The following ABCA12 variants were observed in gnomAD, a reference collection of about 807,000 sequenced individuals.
ABCA12 encodes the protein glucosylceramide transporter ABCA12.
Under a neutral mutation model 293.5 loss-of-function variants are expected in ABCA12, and 156 were observed. The ratio of observed to expected loss-of-function variants is 0.53; its 90% CI spans 0.47 to 0.61. The LOEUF is 0.61. Among genes scored for constraint, ABCA12 ranks in the 20% least tolerant of loss-of-function variants. The probability of loss-of-function intolerance (pLI) is 0.00; values close to 1 mark genes in which losing one functional copy is unlikely to be tolerated. For missense variants in ABCA12, 2,797 were observed against 3,090.2 expected (o/e 0.91, Z 2.25); for synonymous variants, 1,063 against 1,108.0 (o/e 0.96, Z 0.81).
chr2:215,072,743 G>T (rs1701761097), intron 2 of ABCA12, among the ~76,000 whole-genome samples: 1 of 152,174 alleles, frequency 6.6e-6, no homozygotes, highest in South Asian at 2.1e-4. Flanking sequence ...CTGAATCTGG[G>T]GGAAGTTTAA....
chr2:215,029,429 A>G (rs2106027419), intron 9 of ABCA12: 1 of 152,182 alleles, frequency 6.6e-6, no homozygotes, highest in Middle Eastern at 3.4e-3. Context: ...ACTTCCCAAT[A>G]TTGCCCTTCC....
At chr2:214,978,563 C>G in intron 32 of ABCA12, 97 bp from the exon 33 acceptor site, 1 of 1,456,362 alleles carries the variant, frequency 6.9e-7, no homozygotes. Flanking sequence ...ATCACATTTA[C>G]TGAGACAAAT....
At chr2:215,009,465 T>TA (rs35436276) in intron 18 of ABCA12, among the ~76,000 whole-genome samples, 36,912 of 151,834 alleles carry the variant, frequency 0.24, 8,269 homozygotes, top group African/African-American at 0.59. Context: ...AAATAAAAGT[T>TA]AAAAAAAATC....
chr2:214,968,700 G>C lies in ABCA12; in HGVS notation c.5778+20C>G, dbSNP rs1559120552. ...ACCTTCTCATTTGTATAACATTCCA[G>C]AAAAAAGATCAAAATTTACCTTGGC... On this transcript the variant is annotated intron_variant, in intron 38 of 52. Coordinates refer to ENST00000272895, the MANE Select transcript of ABCA12 (RefSeq NM_173076.3). 1 of 1,608,602 alleles carries C rather than the reference G, an allele frequency of 6.2e-7. No homozygotes were observed. Among genetic ancestry groups the C allele is most frequent in the African/African-American group, 1.3e-5 (1 of 74,748 alleles).
intron 2 of ABCA12, among the ~76,000 whole-genome samples, chr2:215,110,728 G>A (rs927674250): frequency 6.6e-6 from 1 of 152,090 alleles, no homozygotes; most frequent in East Asian, 1.9e-4. Flanking sequence ...AAAGTCACTA[G>A]CTTTTTACTC....
chr2:215,022,593 A>G (rs1031062458), intron 11 of ABCA12: 1 of 152,224 alleles, frequency 6.6e-6, no homozygotes, highest in Admixed American at 6.5e-5. Flanking sequence ...AGCTTCATGT[A>G]GAGCCCTTCT....
At chr2:215,009,417 AC>A (rs1333467096) in intron 18 of ABCA12, among the ~76,000 whole-genome samples, 2 of 152,118 alleles carry the variant, frequency 1.3e-5, no homozygotes, top group Non-Finnish European at 2.9e-5. Context: ...ACAGAAGTGT[AC>A]CTGTGTAACA....
At chr2:215,120,284 G>A (rs1037717531) in intron 1 of ABCA12, among the ~76,000 whole-genome samples, 1 of 152,050 alleles carries the variant, frequency 6.6e-6, no homozygotes, top group Non-Finnish European at 1.5e-5. Context: ...GGAAGAGGGA[G>A]GGATGGAGAC....
intron 22 of ABCA12, among the ~76,000 whole-genome samples, chr2:215,000,272 G>A (rs1046204622): frequency 6.6e-6 from 1 of 152,142 alleles, no homozygotes; most frequent in Non-Finnish European, 1.5e-5. Flanking sequence ...TTATCAATTT[G>A]TTTTCTTAAA....
chr2:215,009,233 CA>C (rs1700319775), intron 18 of ABCA12, among the ~76,000 whole-genome samples: 1 of 151,994 alleles, frequency 6.6e-6, no homozygotes, highest in African/African-American at 2.4e-5. Flanking sequence ...AATAGAAAAC[CA>C]AAAACCACAC....
In ABCA12 at chr2:214,975,002, GC is replaced by G. The variant is rs561458571; in HGVS notation, c.5382-139del. 11 of 776,620 alleles carry G rather than the reference GC, an allele frequency of 1.4e-5. No homozygotes were observed. The East Asian group carries it at 3.1e-4, about 22-fold the overall frequency. The allele number at this position is 776,620 out of a possible 1,614,324, so 48.1% of individuals were successfully genotyped here. On this transcript the variant is annotated intron_variant, in intron 34 of 52. Transcript: ENST00000272895. ...TTTTGAGACAGAGTCTTGCCGTGTT[GC>G]CCAGGCTGGAGTGCAGTAGTGCAAT...
At chr2:215,015,132 A>G (rs1027384695) in intron 15 of ABCA12, among the ~76,000 whole-genome samples, 5 of 148,906 alleles carry the variant, frequency 3.4e-5, no homozygotes, top group Admixed American at 2.7e-4. Context: ...ATCTTTTTTA[A>G]CCCTACCAAC....
At chr2:215,044,417 A>C (rs559645460) in intron 7 of ABCA12, 2 of 152,192 alleles carry the variant, frequency 1.3e-5, no homozygotes, top group Admixed American at 6.5e-5. Context: ...CTGCTACACT[A>C]TACAAGTCAA....
At chr2:215,033,550 A>G (rs1378617585) in intron 8 of ABCA12, among the ~76,000 whole-genome samples, 2 of 152,188 alleles carry the variant, frequency 1.3e-5, no homozygotes, top group African/African-American at 4.8e-5. Context: ...TGAGAGAAAT[A>G]CTATACTAAA....
At chr2:215,003,478 T>C (rs1357003664) in intron 20 of ABCA12, among the ~76,000 whole-genome samples, 2 of 151,932 alleles carry the variant, frequency 1.3e-5, no homozygotes, top group African/African-American at 4.8e-5. Flanking sequence ...CATTCTGGGT[T>C]AGTCAAGTGA....
intron 2 of ABCA12, among the ~76,000 whole-genome samples, chr2:215,100,703 A>G (rs1702340610): frequency 6.6e-6 from 1 of 152,202 alleles, no homozygotes; most frequent in African/African-American, 2.4e-5. Flanking sequence ...TTGAGGTCAG[A>G]ACGCAGTCCT....
rs751025083 is a variant in ABCA12 at position 215,018,074 on chromosome 2, T to G, written c.1716A>C (p.Thr572=). 3.1e-6 allele frequency: 5 copies of G among 1,614,160 alleles called. No individual in the cohort carries two copies. The East Asian group carries it at 6.7e-5, about 22-fold the overall frequency. Residue 572 remains threonine (T), a synonymous_variant, in exon 14 of 53, where the codon ACA becomes ACC. Coordinates refer to ENST00000272895, the MANE Select transcript of ABCA12 (RefSeq NM_173076.3). ...CAATAGTCCTGTTGGACATTCCTGT[T>G]GTTCTCCTTAAATCTTCTTTCAGCT... ...VEELKEDLRR[T]TGMSNRTIDK...
chr2:215,000,960 A>G lies in ABCA12; in HGVS notation c.2924T>C (p.Val975Ala), dbSNP rs1393327195. ...ATATTTTATGACAGGAGGAAGAAAG[A>G]CATTTCCAGAGTCATAGCCTCTGTG... Reference protein sequence around the residue: ...SWHRGYDSGNVFLPPVIKYTI... With the variant: ...SWHRGYDSGNAFLPPVIKYTI... The change falls in exon 22 of 53, where the codon GTC (valine) becomes GCC (alanine). Residue 975 changes from valine (V) to alanine (A), a missense_variant. By Grantham distance (64) the Val-to-Ala change is moderately conservative. Transcript: ENST00000272895. 16 of 1,614,020 alleles carry G rather than the reference A, an allele frequency of 9.9e-6. No individual in the cohort carries two copies. Among genetic ancestry groups the G allele is most frequent in the East Asian group, 4.5e-5 (2 of 44,882 alleles).
chr2:215,000,736 C>T lies in ABCA12; in HGVS notation c.3148G>A (p.Ala1050Thr), dbSNP rs929797877. ...TTCATGAAGCAGGGATAAGGAATTG[C>T]TTGAACCTGGACTGCTATTTCCTGG... ...NSQEIAVQVQ[A>T]IPYPCFMKDN... The change falls in exon 22 of 53, where the codon GCA (alanine) becomes ACA (threonine). Residue 1050 changes from alanine to threonine, a missense_variant. Around this residue, in one of 3 missense-constraint regions of ABCA12, gnomAD observed 2,130 missense variants for 2,427.0 expected, o/e 0.88. Transcript: ENST00000272895. 2 of 1,613,906 alleles carry T rather than the reference C, an allele frequency of 1.2e-6. No individual in the cohort carries two copies. The highest frequency in any genetic ancestry group is 1.3e-5 in the African/African-American group (1 of 74,914).
Sources: allele counts gnomAD v4.1 joint callset (sites outside exome capture counted in the v4.1 genomes callset), GRCh38; gene constraint gnomAD v4.1.1; regional missense constraint gnomAD v4.1.1; transcripts MANE v1.5; gene names NCBI Gene and HGNC (gene_info 2026-07-23, HGNC 2026-07-21).